The following GALNT14 variants were observed in gnomAD, a reference collection of about 807,000 sequenced individuals.
GALNT14 encodes polypeptide N-acetylgalactosaminyltransferase 14.
GALNT14 carries 60 observed loss-of-function variants against 77.5 expected under a neutral mutation model. The observed-to-expected ratio is 0.77, with a 90% CI of 0.63 to 0.96. The LOEUF (loss-of-function observed/expected upper bound fraction) is 0.96, where lower values mean the gene tolerates loss of function less well. GALNT14 is among the 40% of genes least tolerant of loss of function. The pLI is 0.00. For synonymous variants in GALNT14, 280 were observed against 281.7 expected, an observed-to-expected ratio of 0.99 and a Z score of 0.06; for missense variants, 710 against 731.0, an observed-to-expected ratio of 0.97 and a Z score of 0.33.
chr2:31,054,530 C>T (rs1435576113), intron 1 of GALNT14, among the ~76,000 whole-genome samples: 1 of 152,150 alleles, frequency 6.6e-6, no homozygotes, highest in Non-Finnish European at 1.5e-5. Flanking sequence ...ACCCCAGAAC[C>T]CAGCATAGCG....
intron 1 of GALNT14, among the ~76,000 whole-genome samples, chr2:31,106,687 A>C (rs1677574638): frequency 6.6e-6 from 1 of 152,228 alleles, no homozygotes. Context: ...ATACTTGATT[A>C]GACTTTTCAT....
Position 30,992,945 on chromosome 2 carries a change from G to A in GALNT14, c.192C>T (p.Ala64=). 6.2e-7 allele frequency: 1 copy of A among 1,614,144 alleles called. No individual in the cohort carries two copies. The highest frequency in any genetic ancestry group is 8.5e-7 in the Non-Finnish European group (1 of 1,180,020). Residue 64 remains alanine (A), a synonymous_variant, in exon 2 of 15, where the codon GCC becomes GCT. Transcript: ENST00000349752. Reference sequence around the variant, plus strand: ...GGTCGTCACCAACGCGCCACTTTTTGGCATTCAGATACCGCCGCTCATCAA... The same window carrying A: ...GGTCGTCACCAACGCGCCACTTTTTAGCATTCAGATACCGCCGCTCATCAA... ...DQFDERRYLN[A]KKWRVGDDPY...
At chr2:31,118,031 GC>G (rs1678201129) in intron 1 of GALNT14, among the ~76,000 whole-genome samples, 1 of 152,154 alleles carries the variant, frequency 6.6e-6, no homozygotes, top group Non-Finnish European at 1.5e-5. Flanking sequence ...TTAGTTACAT[GC>G]TACTTAAAGC....
At chr2:31,125,650 C>T (rs1678669256) in intron 1 of GALNT14, among the ~76,000 whole-genome samples, 1 of 152,190 alleles carries the variant, frequency 6.6e-6, no homozygotes, top group Admixed American at 6.5e-5. Flanking sequence ...ATAAGTGCAG[C>T]TTATTTATGG....
chr2:30,927,324 C>T (rs1665450048), intron 11 of GALNT14, among the ~76,000 whole-genome samples: 1 of 152,166 alleles, frequency 6.6e-6, no homozygotes. Flanking sequence ...GAACCTTGCT[C>T]CTCAAATTGT....
At chr2:30,915,184 G>A (rs533532663) in intron 13 of GALNT14, among the ~76,000 whole-genome samples, 1 of 127,590 alleles carries the variant, frequency 7.8e-6, no homozygotes, top group Admixed American at 9.4e-5. Context: ...ATATCCTAGG[G>A]GTCCCAAAAC....
intron 13 of GALNT14, among the ~76,000 whole-genome samples, chr2:30,918,801 G>A (rs1664855772): frequency 6.9e-6 from 1 of 145,486 alleles, no homozygotes; most frequent in South Asian, 2.3e-4. Flanking sequence ...GCATTGGGCA[G>A]GGAGGGTGGT....
chr2:31,056,309 A>G (rs1397850139), intron 1 of GALNT14, among the ~76,000 whole-genome samples: 2 of 152,222 alleles, frequency 1.3e-5, no homozygotes, highest in Non-Finnish European at 2.9e-5. Context: ...GTTCGGGCTC[A>G]TCTGTCCCCA....
At chr2:31,129,358 T>TG in intron 1 of GALNT14, 1 of 985,068 alleles carries the variant, frequency 1.0e-6, no homozygotes, top group Non-Finnish European at 1.2e-6. Context: ...CACCAAGTGG[T>TG]GGGGAAAAAA....
At chr2:31,128,360 C>G (rs1433776410) in intron 1 of GALNT14, among the ~76,000 whole-genome samples, 1 of 152,116 alleles carries the variant, frequency 6.6e-6, no homozygotes, top group East Asian at 1.9e-4. Flanking sequence ...GGCAGGGCAC[C>G]CTCTACATTA....
intron 3 of GALNT14, among the ~76,000 whole-genome samples, chr2:30,964,839 A>G (rs1667899042): frequency 6.6e-6 from 1 of 152,206 alleles, no homozygotes. Context: ...ACCCTACTGC[A>G]GGACTTACCT....
rs529486681 is a variant in GALNT14, at chr2:31,020,225, A to T, written c.130-27218T>A. Among the ~76,000 whole-genome samples the T allele has an allele frequency of 4.6e-5, 7 of 152,282 alleles. No homozygotes were observed. In the East Asian group the frequency reaches 1.4e-3, roughly 29 times the overall value. On this transcript the variant is annotated intron_variant, in intron 1 of 14. Transcript: ENST00000349752. ...ATCATTATCCAGGAGATGAAAATAC[A>T]CTCAGTCCACAGAACTGTATTTTTT...
At position 30,924,234 on chromosome 2, in the gene GALNT14, C is replaced by T; in HGVS notation, c.1265G>A (p.Gly422Asp). 1.2e-6 allele frequency: 2 copies of T among 1,614,200 alleles called. No individual in the cohort carries two copies. The highest frequency in any genetic ancestry group is 1.7e-6 in the Non-Finnish European group (2 of 1,180,024). The stretch of plus-strand genomic sequence containing the variant: ...GCACTTCTGTCTCTGTCGGATATTG[C>T]CCTTCTGGATGGAGGACTCCTTGGG... ...SIPKESSIQK[G>D]NIRQRQKCLE... Residue 422 changes from glycine (G) to aspartate (D), a missense_variant, in exon 13 of 15, where the codon GGC becomes GAC. Physicochemically the swap from Gly to Asp is moderately conservative, Grantham distance 94. Transcript: ENST00000349752.
At chr2:31,024,975 T>C (rs1026999374) in intron 1 of GALNT14, among the ~76,000 whole-genome samples, 1 of 152,214 alleles carries the variant, frequency 6.6e-6, no homozygotes, top group Non-Finnish European at 1.5e-5. Flanking sequence ...CACTCTACCA[T>C]GGACTGCTGT....
At chr2:31,114,627 A>G in intron 1 of GALNT14, 1 of 629,426 alleles carries the variant, frequency 1.6e-6, no homozygotes. Context: ...GGGCAAAAAG[A>G]AATTTCGAGA....
chr2:31,106,297 T>C (rs1245077965), intron 1 of GALNT14, among the ~76,000 whole-genome samples: 2 of 152,226 alleles, frequency 1.3e-5, no homozygotes, highest in Non-Finnish European at 2.9e-5. Context: ...GTCTATTTTT[T>C]ATGTCTGTTA....
chr2:31,095,724 A>G (rs954907606), intron 1 of GALNT14, among the ~76,000 whole-genome samples: 5 of 152,100 alleles, frequency 3.3e-5, no homozygotes, highest in African/African-American at 1.2e-4. Context: ...CAACAAATCA[A>G]CTACTTTCCC....
At chr2:31,049,628 A>C (rs1673710126) in intron 1 of GALNT14, among the ~76,000 whole-genome samples, 1 of 152,196 alleles carries the variant, frequency 6.6e-6, no homozygotes, top group Admixed American at 6.5e-5. Context: ...GGGAGATAGA[A>C]GCAGCCACAG....
At chr2:31,116,498 T>G (rs1019113423) in intron 1 of GALNT14, among the ~76,000 whole-genome samples, 3 of 152,048 alleles carry the variant, frequency 2.0e-5, no homozygotes, top group African/African-American at 7.2e-5. Flanking sequence ...TAACACCAGA[T>G]AAGGTGAATG....
Sources: gnomAD v4.1 joint callset for allele counts (sites outside exome capture counted in the v4.1 genomes callset) on GRCh38, gnomAD v4.1.1 for gene constraint, MANE v1.5 for transcripts, NCBI Gene and HGNC (gene_info 2026-07-23, HGNC 2026-07-21) for gene names.